Variants in CHD8 observed in about 807,000 individuals in gnomAD.
CHD8 encodes the protein ATP-dependent chromatin remodeler CHD8.
In CHD8, 31 loss-of-function variants were observed where a neutral mutation model predicts 279.2. The ratio of observed to expected loss-of-function variants is 0.11; its 90% CI spans 0.08 to 0.15. The LOEUF (loss-of-function observed/expected upper bound fraction) is 0.15. CHD8 is among the 10% of genes least tolerant of loss of function. The pLI, the probability that CHD8 is intolerant of heterozygous loss-of-function variation, is 1.00. For synonymous variants in CHD8, 1,081 were observed against 1,139.6 expected, an observed-to-expected ratio of 0.95 and a Z score of 1.04; for missense variants, 2,146 against 3,230.5, an observed-to-expected ratio of 0.66 and a Z score of 8.14.
chr14:21,397,209 C>T (rs1887826711), intron 27 of CHD8: 1 of 402,466 alleles, frequency 2.5e-6, no homozygotes. Flanking sequence ...CTACACTAGG[C>T]AAACTGAGGG....
At position 21,412,928 on chromosome 14, in the gene CHD8, G is replaced by A. The variant is rs1198137761; in HGVS notation, c.2211C>T (p.Asp737=). ...DRILDESHSI[D]KDNGEPVIYY... is the part of the protein sequence containing the mutation. ...AACAACTCACCTCCCCATTGTCCTT[G>A]TCAATACTGTGAGACTCATCCAATA... The change falls in exon 10 of 38, where the codon GAC becomes GAT. Residue 737 remains aspartate, a synonymous_variant. Transcript: ENST00000646647. 2.7e-5 allele frequency: 43 copies of A among 1,604,246 alleles called. No individual in the cohort carries two copies. The highest frequency in any genetic ancestry group is 3.5e-5 in the Non-Finnish European group (41 of 1,171,430).
At position 21,394,118 on chromosome 14, in the gene CHD8, G is replaced by C. The variant is rs755256425; in HGVS notation, c.5677C>G (p.Leu1893Val). 1.9e-6 allele frequency: 3 copies of C among 1,613,512 alleles called. No homozygotes were observed. Among genetic ancestry groups the C allele is most frequent in the Non-Finnish European group, 2.5e-6 (3 of 1,179,728 alleles). ...AAAACTTGTTCCCGTAAGCGCCGAA[G>C]CAATTCTATACGGTAGAGAGTCCGT... The part of the protein sequence containing the change: ...ASRTLYRIEL[L>V]RRLREQVLCH... Residue 1893 changes from leucine to valine, a missense_variant, in exon 32 of 38, where the codon CTT becomes GTT. By Grantham distance (32) the Leu-to-Val change is conservative (BLOSUM62 1). Coordinates refer to ENST00000646647, the MANE Select transcript of CHD8 (RefSeq NM_001170629.2).
At position 21,385,778 on chromosome 14, in the gene CHD8, A is replaced by G. The variant is rs1347103508; in HGVS notation, c.7581T>C (p.Thr2527=). The change falls in exon 38 of 38, where the codon ACT becomes ACC. Residue 2527 remains threonine, a synonymous_variant. Transcript: ENST00000646647. ...GTTGCAGTGGTGGCAACCGCAAGGT[A>G]GTACCAGAGGCGGTAGTCACTGGTG... ...PSSPVTTASG[T]TLRLPPLQPE... The G allele has an allele frequency of 1.1e-5, 17 of 1,484,122 alleles. No individual in the cohort carries two copies. The highest frequency in any genetic ancestry group is 1.5e-5 in the Non-Finnish European group (17 of 1,104,384). The allele number at this position is 1,484,122 out of a possible 1,614,324, so 91.9% of individuals were successfully genotyped here. A position where few individuals can be genotyped will look rare whatever the true frequency, so the allele number is the denominator to read the frequency against.
In CHD8 at chr14:21,394,130, G is replaced by A. The variant is rs201802014; in HGVS notation, c.5665C>T (p.Arg1889Cys). The A allele has an allele frequency of 2.6e-4, 424 of 1,612,236 alleles. No homozygotes were observed. The highest frequency in any genetic ancestry group is 3.5e-4 in the Non-Finnish European group (411 of 1,178,858). ...TEERASRTLY[R>C]IELLRRLREQ... ...CGTAAGCGCCGAAGCAATTCTATAC[G>A]GTAGAGAGTCCGTGAGGCTCTCTCC... The change falls in exon 32 of 38, where the codon CGT becomes TGT. Residue 1889 changes from arginine (R) to cysteine (C), a missense_variant. Around this residue, in one of 26 missense-constraint regions of CHD8, gnomAD observed 513 missense variants for 637.6 expected, o/e 0.80. Coordinates refer to ENST00000646647, the MANE Select transcript of CHD8 (RefSeq NM_001170629.2).
At chr14:21,441,851 T>G (rs937821299) in intron 1 of CHD8, among the ~76,000 whole-genome samples, 2 of 152,100 alleles carry the variant, frequency 1.3e-5, no homozygotes, top group African/African-American at 2.4e-5. Context: ...ATTGCGCCAC[T>G]GCACTCCAGC....
rs749752534 is a variant in CHD8, at chr14:21,394,013, G to A, written c.5782C>T (p.Arg1928Trp). 37 of 1,613,660 alleles carry A rather than the reference G, an allele frequency of 2.3e-5. No individual in the cohort carries two copies. The highest frequency in any genetic ancestry group is 1.1e-4 in the East Asian group (5 of 44,894). Residue 1928 changes from arginine (R) to tryptophan (W), a missense_variant, in exon 32 of 38, where the codon CGG becomes TGG. Around this residue, in one of 26 missense-constraint regions of CHD8, gnomAD observed 513 missense variants for 637.6 expected, o/e 0.80. Transcript: ENST00000646647. ...CCTCTTAGAAGCTCCCCATCATGCCGAACAGGCTCCCACCATTTGGGCAAT... is the reference window on the plus strand; with the variant it reads ...CCTCTTAGAAGCTCCCCATCATGCCAAACAGGCTCCCACCATTTGGGCAAT... ...PELPKWWEPV[R>W]HDGELLRGAA... is the part of the protein sequence containing the mutation.
chr14:21,398,233 A>C (rs1369781477), intron 26 of CHD8: 1 of 169,862 alleles, frequency 5.9e-6, no homozygotes, highest in Admixed American at 6.2e-5. Flanking sequence ...AGTTTTATTT[A>C]TTTTTATTTA....
In CHD8 at chr14:21,399,827, A is replaced by G. The variant is rs113545148; in HGVS notation, c.4818-122T>C. 5.5e-4 allele frequency: 509 copies of G among 932,388 alleles called. No homozygotes were observed. The African/African-American group carries it at 7.7e-3, about 14-fold the overall frequency. 57.8% of individuals were successfully genotyped at this position (932,388 alleles called of 1,614,324 possible). A position where few individuals can be genotyped will look rare whatever the true frequency, so the allele number is the denominator to read the frequency against. ...ATTTAAATACTCATGCATCTACCCT[A>G]TTTCCTCCCACTAGTGTCAAGTATA... On this transcript the variant is annotated intron_variant, in intron 25 of 37. Coordinates refer to ENST00000646647, the MANE Select transcript of CHD8 (RefSeq NM_001170629.2).
rs1242153205 is a variant in CHD8, at chr14:21,415,917, A to C, written c.1717-10T>G. On this transcript the variant is annotated splice_polypyrimidine_tract_variant and intron_variant, in intron 5 of 37. Transcript: ENST00000646647. ...GGTTTGAGCGTCTCTTCTGTAGAGC[A>C]AAAAGTAGTTAGAGTGACTAGTTAG... is the stretch of plus-strand genomic sequence containing the variant. The C allele has an allele frequency of 6.2e-7, 1 of 1,607,938 alleles. No homozygotes were observed. The highest frequency in any genetic ancestry group is 1.7e-5 in the Admixed American group (1 of 58,880).
At chr14:21,425,828 C>T (rs1184877508) in intron 5 of CHD8, 4 of 270,822 alleles carry the variant, frequency 1.5e-5, no homozygotes, top group Admixed American at 5.3e-5. Flanking sequence ...CCCAGTTACT[C>T]GGGAGGCTAA....
At chr14:21,424,707 G>A (rs538245615) in intron 5 of CHD8, among the ~76,000 whole-genome samples, 7 of 152,270 alleles carry the variant, frequency 4.6e-5, no homozygotes, top group Non-Finnish European at 7.4e-5. Flanking sequence ...TCCTGACCTC[G>A]TGATATGCCC....
At chr14:21,415,083 C>T in intron 7 of CHD8, 90 bp from the exon 8 acceptor site, 1 of 804,616 alleles carries the variant, frequency 1.2e-6, no homozygotes, top group Non-Finnish European at 2.1e-6. Context: ...GAACTTCATA[C>T]CAATAATCTC....
In CHD8 at chr14:21,393,859, C is replaced by A. The variant is rs753857341; in HGVS notation, c.5936G>T (p.Arg1979Leu). 1 of 1,613,752 alleles carries A rather than the reference C, an allele frequency of 6.2e-7. No individual in the cohort carries two copies. The highest frequency in any genetic ancestry group is 1.7e-5 in the Admixed American group (1 of 59,982). ...CTGGTGCAGCAGTGGAGTAGAGCAG[C>A]GTGACAAGGATGGAGCTGGTGCTCC... ...QAGAPAPSLSRCSTPLLHQQY... is the reference protein window; with the variant it reads ...QAGAPAPSLSLCSTPLLHQQY... Residue 1979 changes from arginine to leucine, a missense_variant, in exon 32 of 38, where the codon CGC becomes CTC. Transcript: ENST00000646647.
Position 21,385,752 on chromosome 14 carries a change from G to A in CHD8, c.7607C>T (p.Pro2536Leu), listed in dbSNP as rs1064795453. ...TTCATCCTCATCGTCATCCTCCTCA[G>A]GTTGCAGTGGTGGCAACCGCAAGGT... The part of the protein sequence containing the change: ...GTTLRLPPLQ[P>L]EEDDDEDEED... Residue 2536 changes from proline (P) to leucine (L), a missense_variant, in exon 38 of 38, where the codon CCT (proline) becomes CTT (leucine). Pro to Leu is a moderately conservative substitution (Grantham distance 98, BLOSUM62 -3). Around this residue, in one of 26 missense-constraint regions of CHD8, gnomAD observed 336 missense variants for 392.9 expected, o/e 0.86. Transcript: ENST00000646647. 1.3e-6 allele frequency: 2 copies of A among 1,551,350 alleles called. No homozygotes were observed. Among genetic ancestry groups the A allele is most frequent in the Non-Finnish European group, 1.7e-6 (2 of 1,146,914 alleles).
Position 21,389,939 on chromosome 14 carries a change from A to T in CHD8, c.7182+1008T>A, listed in dbSNP as rs181718209. Among the ~76,000 whole-genome samples the T allele has an allele frequency of 5.9e-5, 9 of 152,346 alleles. No individual in the cohort carries two copies. The East Asian group carries it at 1.7e-3, about 29-fold the overall frequency. ...TCCAAACACTTCTAAAATATATAGA[A>T]TTAGAAAACTTAAGGCCGAGTGCGG... On this transcript the variant is annotated intron_variant, in intron 37 of 37. Coordinates refer to ENST00000646647, the MANE Select transcript of CHD8 (RefSeq NM_001170629.2).
In CHD8 at chr14:21,403,414, G is replaced by GGTTTGCTGTCCTCA. The variant is rs1888119173; in HGVS notation, c.3518+38_3518+39insTGAGGACAGCAAAC. On this transcript the variant is annotated intron_variant, in intron 17 of 37. Coordinates refer to ENST00000646647, the MANE Select transcript of CHD8 (RefSeq NM_001170629.2). This position sits in a 1 kb window ranked among gnomAD's most constrained non-coding sequence, Gnocchi z 4.3. Reference sequence around the variant, plus strand: ...CCTCCTACTTTTTGCTGCTTTATGAGGACAGAGTAACCACAGGCTAGGATG... The same window carrying GGTTTGCTGTCCTCA: ...CCTCCTACTTTTTGCTGCTTTATGAGGTTTGCTGTCCTCAGACAGAGTAACCACAGGCTAGGATG... The GGTTTGCTGTCCTCA allele has an allele frequency of 1.3e-6, 2 of 1,525,014 alleles. No individual in the cohort carries two copies. Among genetic ancestry groups the GGTTTGCTGTCCTCA allele is most frequent in the Non-Finnish European group, 1.8e-6 (2 of 1,106,930 alleles). 94.5% of individuals were successfully genotyped at this position (1,525,014 alleles called of 1,614,324 possible). A position where few individuals can be genotyped will look rare whatever the true frequency, so the allele number is the denominator to read the frequency against.
intron 1 of CHD8, among the ~76,000 whole-genome samples, chr14:21,441,015 G>A (rs1172835972): frequency 2.0e-5 from 3 of 152,010 alleles, no homozygotes; most frequent in Admixed American, 2.0e-4. Context: ...ATGGAGCCTG[G>A]GGAGATAGGG....
At chr14:21,435,771 T>C (rs1228592692) in intron 1 of CHD8, among the ~76,000 whole-genome samples, 2 of 152,198 alleles carry the variant, frequency 1.3e-5, no homozygotes, top group African/African-American at 4.8e-5. Context: ...TTAGGCTATT[T>C]ATATTTATTA....
In CHD8 at chr14:21,385,857, G is replaced by T. The variant is rs1234905290; in HGVS notation, c.7502C>A (p.Pro2501His). 13 of 1,545,078 alleles carry T rather than the reference G, an allele frequency of 8.4e-6. No homozygotes were observed. Among genetic ancestry groups the T allele is most frequent in the Non-Finnish European group, 1.1e-5 (12 of 1,142,350 alleles). ...TGGATGGTGATGGTGGTGATGGTGG[G>T]GGTGGGGGTGGTGGTGGTGGTGATG... Reference protein sequence around the residue: ...MLHHHHHHPHPHHHHHHHPGL... With the variant: ...MLHHHHHHPHHHHHHHHHPGL... The change falls in exon 38 of 38, where the codon CCC becomes CAC. Residue 2501 changes from proline (P) to histidine (H), a missense_variant. Physicochemically the swap from Pro to His is moderately conservative, Grantham distance 77. This residue lies in a region of CHD8 where 336 missense variants were observed against 392.9 expected (regional missense o/e 0.86). Coordinates refer to ENST00000646647, the MANE Select transcript of CHD8 (RefSeq NM_001170629.2).
Sources: gnomAD v4.1 joint callset for allele counts (sites outside exome capture counted in the v4.1 genomes callset) on GRCh38, gnomAD v4.1.1 for gene constraint, gnomAD v4.1.1 regional missense constraint, Gnocchi (gnomAD v3.1) non-coding constraint, MANE v1.5 for transcripts, NCBI Gene and HGNC (gene_info 2026-07-23, HGNC 2026-07-21) for gene names.